The following GCLC variants were observed in gnomAD, a reference collection of about 807,000 sequenced individuals.
The protein encoded by GCLC is glutamate--cysteine ligase catalytic subunit.
GCLC carries 30 observed loss-of-function variants against 81.5 expected under a neutral mutation model. The ratio of observed to expected loss-of-function variants is 0.37; its 90% CI spans 0.28 to 0.50. The LOEUF (loss-of-function observed/expected upper bound fraction) is 0.50, where lower values mean the gene tolerates loss of function less well. Among genes scored for constraint, GCLC ranks in the 20% least tolerant of loss-of-function variants. The pLI is 0.96. For synonymous variants in GCLC, 262 were observed against 273.3 expected (o/e 0.96, Z 0.41); for missense variants, 556 against 777.4 (o/e 0.72, Z 3.39).
chr6:53,541,836 T>C (rs1193938917), intron 1 of GCLC, among the ~76,000 whole-genome samples: 1 of 152,204 alleles, frequency 6.6e-6, no homozygotes, highest in Non-Finnish European at 1.5e-5. Context: ...GTGAACATCA[T>C]TTACACATTT....
chr6:53,517,319 A>G (rs1377891955), intron 3 of GCLC, among the ~76,000 whole-genome samples: 1 of 135,912 alleles, frequency 7.4e-6, no homozygotes, highest in East Asian at 2.3e-4. Flanking sequence ...ATGGTCTTTA[A>G]CTCCTAGGCT....
intron 12 of GCLC, chr6:53,500,826 TG>T: frequency 2.4e-6 from 1 of 418,980 alleles, no homozygotes; most frequent in Non-Finnish European, 4.4e-6. Flanking sequence ...TATACAGTGT[TG>T]GGAGGGCAGG....
chr6:53,499,711 A>G (rs1338329072), intron 15 of GCLC, among the ~76,000 whole-genome samples: 1 of 152,214 alleles, frequency 6.6e-6, no homozygotes, highest in African/African-American at 2.4e-5. Context: ...TTTAACTTAC[A>G]GAGTTCCTTA....
chr6:53,531,971 AGTATAAGACCATCATTTTTCT>A (rs1763178827), intron 1 of GCLC, among the ~76,000 whole-genome samples: 1 of 152,238 alleles, frequency 6.6e-6, no homozygotes, highest in Non-Finnish European at 1.5e-5. Context: ...AGAAACTCTT[AGTATAAGACCATCATTTTTCT>A]TTCACTCATC....
In GCLC at chr6:53,502,909, T is replaced by C. The variant is rs140452996; in HGVS notation, c.1396-2396A>G. ...CTTTCGCCAGCAAGTTTAAAAGTAA[T>C]AAATCCTGTTTCTATACTATTAATA... On this transcript the variant is annotated intron_variant, in intron 12 of 15. Transcript: ENST00000650454. Among the ~76,000 whole-genome samples the C allele has an allele frequency of 3.6e-3, 546 of 152,332 alleles. 6 individuals carry two copies. The highest frequency in any genetic ancestry group is 0.013 in the African/African-American group (526 of 41,566).
intron 6 of GCLC, among the ~76,000 whole-genome samples, chr6:53,511,208 G>T (rs1410373592): frequency 2.0e-5 from 3 of 146,370 alleles, no homozygotes; most frequent in South Asian, 2.3e-4. Context: ...AAGTGGGGGG[G>T]GGGTGCTAAA....
At chr6:53,533,256 C>T (rs546219984) in intron 1 of GCLC, among the ~76,000 whole-genome samples, 1 of 152,230 alleles carries the variant, frequency 6.6e-6, no homozygotes, top group Non-Finnish European at 1.5e-5. Context: ...AGATTTCAAA[C>T]ATCATATGAA....
chr6:53,499,517 G>A (rs762726246), intron 15 of GCLC, among the ~76,000 whole-genome samples: 8 of 152,138 alleles, frequency 5.3e-5, no homozygotes, highest in Admixed American at 1.3e-4. Flanking sequence ...AAATACAGAT[G>A]CCATTACCAT....
Position 53,520,887 on chromosome 6 carries a change from T to C in GCLC, c.337A>G (p.Thr113Ala). 1.2e-6 allele frequency: 2 copies of C among 1,613,834 alleles called. No individual in the cohort carries two copies. Among genetic ancestry groups the C allele is most frequent in the Non-Finnish European group, 1.7e-6 (2 of 1,179,690 alleles). Residue 113 changes from threonine to alanine, a missense_variant, in exon 3 of 16, where the codon ACA (threonine) becomes GCA (alanine). Physicochemically the swap from Thr to Ala is moderately conservative, Grantham distance 58. This residue lies in a region of GCLC where 234 missense variants were observed against 303.8 expected (regional missense o/e 0.77). Transcript: ENST00000650454. ...TCAACTGTATTGAACTCGGACATTG[T>C]TCCTCCGTAGGGCTGTCCTGGTGTC... ...EGTPGQPYGG[T>A]MSEFNTVEAN...
intron 1 of GCLC, among the ~76,000 whole-genome samples, chr6:53,543,359 T>C (rs1410742520): frequency 6.6e-6 from 1 of 152,106 alleles, no homozygotes; most frequent in Non-Finnish European, 1.5e-5. Context: ...CCACTTTTTG[T>C]AGAAATGTGA....
chr6:53,508,762 G>T, intron 7 of GCLC, 51 bp from the exon 8 acceptor site: 1 of 1,173,000 alleles, frequency 8.5e-7, no homozygotes, highest in Non-Finnish European at 1.3e-6. Flanking sequence ...TCACTTACAT[G>T]CTAAAAAAAG....
intron 1 of GCLC, among the ~76,000 whole-genome samples, chr6:53,528,351 A>C (rs1763118259): frequency 6.6e-6 from 1 of 152,230 alleles, no homozygotes; most frequent in African/African-American, 2.4e-5. Context: ...GGTAATCTCC[A>C]AGCACTTTTA....
intron 1 of GCLC, 83 bp from the exon 2 acceptor site, chr6:53,522,610 C>T (rs774789714): frequency 1.7e-5 from 14 of 828,286 alleles, no homozygotes; most frequent in Admixed American, 5.4e-5. Context: ...GGCAGGGAAA[C>T]GTGAAGTCTG....
In GCLC at chr6:53,506,020, C is replaced by T. The variant is rs1001004737; in HGVS notation, c.1198-125G>A. ...CATACCAAATTTCAATTGACAAAGA[C>T]AAAAAGGTACAATTGAAGATTTTCT... On this transcript the variant is annotated intron_variant, in intron 10 of 15. Coordinates refer to ENST00000650454, the MANE Select transcript of GCLC (RefSeq NM_001498.4). This position sits in a 1 kb window ranked among gnomAD's most constrained non-coding sequence, Gnocchi z 4.0. 5 of 708,532 alleles carry T rather than the reference C, an allele frequency of 7.1e-6. No homozygotes were observed. In the African/African-American group the frequency reaches 7.1e-5, roughly 10 times the overall value. The allele number at this position is 708,532 out of a possible 1,614,324, so 43.9% of individuals were successfully genotyped here. A position where few individuals can be genotyped will look rare whatever the true frequency, so the allele number is the denominator to read the frequency against.
rs1162988372 is a variant in GCLC at position 53,514,367 on chromosome 6, G to A, written c.620-30C>T. On this transcript the variant is annotated intron_variant, in intron 5 of 15. Transcript: ENST00000650454. Reference sequence around the variant, plus strand: ...ATTATAAAAATACAAAAATAAAAATGGTTTAGAATCCAGGATTAAACAACA... The same window carrying A: ...ATTATAAAAATACAAAAATAAAAATAGTTTAGAATCCAGGATTAAACAACA... 6.3e-6 allele frequency: 10 copies of A among 1,587,836 alleles called. No homozygotes were observed. The East Asian group carries it at 1.1e-4, about 18-fold the overall frequency.
chr6:53,544,414 G>T, intron 1 of GCLC, 82 bp downstream of exon 1: 1 of 1,457,968 alleles, frequency 6.9e-7, no homozygotes, highest in Non-Finnish European at 9.4e-7. Flanking sequence ...CCGCGATAGG[G>T]CCGGGGGCGT....
chr6:53,500,005 G>A (rs1764475681), intron 15 of GCLC, 40 bp downstream of exon 15: 9 of 1,391,100 alleles, frequency 6.5e-6, no homozygotes, highest in Non-Finnish European at 8.2e-6. Context: ...ATTATACCAT[G>A]CTGTCTATAT....
chr6:53,541,435 A>G (rs968682956), intron 1 of GCLC, among the ~76,000 whole-genome samples: 5 of 152,178 alleles, frequency 3.3e-5, no homozygotes, highest in South Asian at 2.1e-4. Flanking sequence ...AACTGTCAAC[A>G]CTTCAGGGCA....
chr6:53,522,778 G>A (rs775226084), intron 1 of GCLC: 9 of 336,158 alleles, frequency 2.7e-5, no homozygotes, highest in Non-Finnish European at 4.5e-5. Flanking sequence ...TGGAAAGGTC[G>A]ATACCCATTT....
Sources: allele counts gnomAD v4.1 joint callset (sites outside exome capture counted in the v4.1 genomes callset), GRCh38; gene constraint gnomAD v4.1.1; regional missense constraint gnomAD v4.1.1; non-coding constraint Gnocchi (gnomAD v3.1); transcripts MANE v1.5; gene names NCBI Gene and HGNC (gene_info 2026-07-23, HGNC 2026-07-21).